Variants in TLK2 observed in about 807,000 individuals in gnomAD.
TLK2 encodes the protein tousled like kinase 2.
Under a neutral mutation model 117.3 loss-of-function variants are expected in TLK2, and 6 were observed. The observed-to-expected ratio is 0.05, with a 90% confidence interval of 0.03 to 0.10. The LOEUF (loss-of-function observed/expected upper bound fraction) is 0.10, where lower values mean the gene tolerates loss of function less well. Among genes scored for constraint, TLK2 ranks in the 10% least tolerant of loss-of-function variants. TLK2 has a pLI of 1.00. For synonymous variants in TLK2, 257 were observed against 316.7 expected (o/e 0.81, Z 2.00); for missense variants, 299 against 901.2 (o/e 0.33, Z 8.56).
chr17:62,584,107 G>GTTTTTTTT (rs572000997), intron 15 of TLK2, among the ~76,000 whole-genome samples: 9 of 78,522 alleles, frequency 1.1e-4, no homozygotes, highest in Admixed American at 1.8e-4. Flanking sequence ...TTCTTTTGTG[G>GTTTTTTTT]TTTTTTTTTT....
upstream of TLK2, among the ~76,000 whole-genome samples, chr17:62,477,174 CTCACTGTCTTTT>C (rs1237897979): frequency 2.0e-5 from 3 of 152,164 alleles, no homozygotes; most frequent in African/African-American, 7.2e-5. Flanking sequence ...AAGACCTAGC[CTCACTGTCTTTT>C]GTGTTGCCTT....
At chr17:62,579,502 T>C (rs561809677) in intron 14 of TLK2, among the ~76,000 whole-genome samples, 5 of 152,334 alleles carry the variant, frequency 3.3e-5, no homozygotes, top group African/African-American at 1.2e-4. Flanking sequence ...ATAGTGAGAT[T>C]GTTTAAGATC....
At chr17:62,609,186 G>A (rs2083540607) in intron 21 of TLK2, among the ~76,000 whole-genome samples, 1 of 152,126 alleles carries the variant, frequency 6.6e-6, no homozygotes, top group South Asian at 2.1e-4. Context: ...AGGCTCAGGT[G>A]ATCCTCCCAC....
upstream of TLK2, among the ~76,000 whole-genome samples, chr17:62,475,846 G>C (rs2071030102): frequency 6.6e-6 from 1 of 150,844 alleles, no homozygotes; most frequent in Non-Finnish European, 1.5e-5. Context: ...ATTTTTAGTA[G>C]AGACAGGGTT....
intron 7 of TLK2, chr17:62,550,755 GT>G (rs1344087508): frequency 6.6e-6 from 1 of 152,246 alleles, no homozygotes; most frequent in Non-Finnish European, 1.5e-5. Context: ...CACTAGCTCT[GT>G]GAACTCACAT....
chr17:62,508,661 A>G (rs1175726730), intron 2 of TLK2: 5 of 787,714 alleles, frequency 6.3e-6, no homozygotes, highest in Non-Finnish European at 6.2e-6. Context: ...TACTGACGAA[A>G]TAAGACATAA....
rs186782423 is a variant in TLK2, at chr17:62,528,481, A to G, written c.363+4150A>G. Among the ~76,000 whole-genome samples the G allele has an allele frequency of 1.7e-3, 265 of 152,204 alleles. 1 individual carries two copies. The highest frequency in any genetic ancestry group is 6.0e-3 in the African/African-American group (249 of 41,530). ...CCCCAGGCTGGAGTGCAGTGGCGCA[A>G]TCTTGGCTCACTGCAACCTCAGCCT... is the stretch of plus-strand genomic sequence containing the variant. On this transcript the variant is annotated intron_variant, in intron 6 of 21. Coordinates refer to ENST00000346027, the MANE Select transcript of TLK2 (RefSeq NM_006852.6).
intron 19 of TLK2, 41 bp downstream of exon 19, chr17:62,602,221 T>C: frequency 6.2e-7 from 1 of 1,601,374 alleles, no homozygotes; most frequent in Non-Finnish European, 8.5e-7. Context: ...TATAGAGATG[T>C]GGCTCTGCTA....
intron 9 of TLK2, among the ~76,000 whole-genome samples, chr17:62,554,405 C>A (rs961369101): frequency 3.3e-5 from 5 of 151,942 alleles, no homozygotes; most frequent in African/African-American, 9.7e-5. Flanking sequence ...TAAAAAGAAA[C>A]CCTGTCTCTA....
At chr17:62,570,504 C>T (rs2080195809) in intron 11 of TLK2, among the ~76,000 whole-genome samples, 1 of 152,136 alleles carries the variant, frequency 6.6e-6, no homozygotes. Flanking sequence ...TGAGAAGTTA[C>T]AGTTTGACAT....
intron 2 of TLK2, among the ~76,000 whole-genome samples, chr17:62,514,255 T>C (rs1188837552): frequency 1.6e-4 from 24 of 151,912 alleles, no homozygotes; most frequent in Admixed American, 6.6e-5. Context: ...GCGATTCTTC[T>C]GCCTCAGCCT....
At chr17:62,594,806 A>G (rs917380735) in intron 16 of TLK2, among the ~76,000 whole-genome samples, 6 of 149,342 alleles carry the variant, frequency 4.0e-5, no homozygotes, top group Non-Finnish European at 7.5e-5. Context: ...ACACACACAC[A>G]CACACACACA....
At chr17:62,472,737 CAA>C (rs138668621) in intron 1 of TLK2, among the ~76,000 whole-genome samples, 16 of 94,690 alleles carry the variant, frequency 1.7e-4, no homozygotes, top group Admixed American at 2.3e-4. Flanking sequence ...GACCCCGTCT[CAA>C]AAAAAAAAAA....
intron 2 of TLK2, among the ~76,000 whole-genome samples, chr17:62,485,604 TA>T (rs2072249243): frequency 1.3e-5 from 2 of 152,202 alleles, no homozygotes; most frequent in Non-Finnish European, 2.9e-5. Context: ...AAAAGTCATT[TA>T]TTTTGGGCTT....
intron 1 of TLK2, among the ~76,000 whole-genome samples, chr17:62,480,365 T>C (rs1386398314): frequency 1.3e-5 from 2 of 152,160 alleles, no homozygotes; most frequent in African/African-American, 4.8e-5. Flanking sequence ...GTGCATTAAT[T>C]GGTTATGGAA....
chr17:62,605,704 G>A (rs2083239916), intron 19 of TLK2, among the ~76,000 whole-genome samples: 1 of 151,748 alleles, frequency 6.6e-6, no homozygotes, highest in Non-Finnish European at 1.5e-5. Flanking sequence ...TAAGTTGACT[G>A]TTAAAATTCA....
intron 1 of TLK2, among the ~76,000 whole-genome samples, chr17:62,479,576 G>A (rs890102358): frequency 2.6e-5 from 4 of 152,012 alleles, no homozygotes; most frequent in African/African-American, 9.7e-5. Flanking sequence ...AGCCTCCCGG[G>A]CGCCCCCGAG....
intron 7 of TLK2, among the ~76,000 whole-genome samples, chr17:62,547,712 GAGTC>G (rs1192471703): frequency 1.3e-5 from 2 of 152,130 alleles, no homozygotes; most frequent in Admixed American, 1.3e-4. Context: ...AGACAACTTA[GAGTC>G]AGAAATAAGC....
chr17:62,598,204 A>C (rs2082620907), intron 17 of TLK2, among the ~76,000 whole-genome samples: 1 of 152,176 alleles, frequency 6.6e-6, no homozygotes, highest in Non-Finnish European at 1.5e-5. Context: ...GGGGCATGAC[A>C]TTACTGTTTT....
Sources: allele counts gnomAD v4.1 joint callset (sites outside exome capture counted in the v4.1 genomes callset), GRCh38; gene constraint gnomAD v4.1.1; transcripts MANE v1.5; gene names NCBI Gene and HGNC (gene_info 2026-07-23, HGNC 2026-07-21).